AP1S1: variants seen among roughly 807,000 people sequenced by gnomAD.
The protein encoded by AP1S1 is adaptor related protein complex 1 subunit sigma 1.
AP1S1 carries 13 observed loss-of-function variants against 23.9 expected under a neutral mutation model. That is an observed-to-expected ratio of 0.54 (90% CI 0.35 to 0.86). The LOEUF (loss-of-function observed/expected upper bound fraction) is 0.86, where lower values mean the gene tolerates loss of function less well. AP1S1 is among the 40% of genes least tolerant of loss of function. The probability of loss-of-function intolerance (pLI) is 0.01; values close to 1 mark genes in which losing one functional copy is unlikely to be tolerated. For missense variants in AP1S1, 119 were observed against 197.6 expected (o/e 0.60, Z 2.38); for synonymous variants, 84 against 77.7 (o/e 1.08, Z -0.43).
chr7:101,156,460 T>G, intron 1 of AP1S1, 134 bp from the exon 2 acceptor site: 1 of 1,062,146 alleles, frequency 9.4e-7, no homozygotes, highest in Non-Finnish European at 1.3e-6. Flanking sequence ...AAGCTCTGAC[T>G]TCCCCCTGCT....
In AP1S1 at chr7:101,156,188, C is replaced by T. The variant is rs530602425; in HGVS notation, c.4-406C>T. 7.2e-5 allele frequency among the ~76,000 whole-genome samples: 11 copies of T among 152,260 alleles called. No individual in the cohort carries two copies. The South Asian group carries it at 1.7e-3, about 23-fold the overall frequency. ...CGGAGATTGCACTGAACAGTGATTG[C>T]GCCACTGCACTCCAGCCTGGGCGAC... On this transcript the variant is annotated intron_variant, in intron 1 of 4. Coordinates refer to ENST00000337619, the MANE Select transcript of AP1S1 (RefSeq NM_001283.5).
chr7:101,155,844 C>G (rs1368806878), intron 1 of AP1S1, among the ~76,000 whole-genome samples: 1 of 152,154 alleles, frequency 6.6e-6, no homozygotes, highest in African/African-American at 2.4e-5. Flanking sequence ...TCTTTGGCGT[C>G]GGTTACTGTC....
chr7:101,156,812 T>G, intron 2 of AP1S1, 40 bp downstream of exon 2: 1 of 1,462,858 alleles, frequency 6.8e-7, no homozygotes, highest in Non-Finnish European at 9.1e-7. Context: ...TAGATTCAAG[T>G]TGGGCAGTGG....
chr7:101,159,789 G>A (rs1205597966), intron 4 of AP1S1, among the ~76,000 whole-genome samples: 4 of 151,770 alleles, frequency 2.6e-5, no homozygotes, highest in Admixed American at 1.3e-4. Flanking sequence ...TGCCATCACC[G>A]AGCCCTGGTG....
At chr7:101,155,773 G>C (rs1796982765) in intron 1 of AP1S1, among the ~76,000 whole-genome samples, 1 of 152,156 alleles carries the variant, frequency 6.6e-6, no homozygotes, top group Non-Finnish European at 1.5e-5. Flanking sequence ...CTTCTCCAGG[G>C]ACAAAATACC....
chr7:101,157,804 C>T (rs970580684), intron 3 of AP1S1, among the ~76,000 whole-genome samples: 7 of 152,060 alleles, frequency 4.6e-5, no homozygotes, highest in African/African-American at 1.7e-4. Flanking sequence ...ACAGTCTCAC[C>T]CTATCACCTG....
At chr7:101,159,225 A>G (rs1797045265) in intron 4 of AP1S1, 29 bp downstream of exon 4, 2 of 1,593,854 alleles carry the variant, frequency 1.3e-6, no homozygotes, top group Non-Finnish European at 1.7e-6. Context: ...GAGGAGGAGG[A>G]GGAAGCGCAC....
intron 4 of AP1S1, among the ~76,000 whole-genome samples, chr7:101,160,220 C>T (rs955592705): frequency 6.6e-6 from 1 of 151,996 alleles, no homozygotes; most frequent in Non-Finnish European, 1.5e-5. Flanking sequence ...TCCCTTTACC[C>T]CCAGGTGTCA....
At chr7:101,156,093 G>A (rs577564256) in intron 1 of AP1S1, among the ~76,000 whole-genome samples, 3 of 152,092 alleles carry the variant, frequency 2.0e-5, no homozygotes, top group African/African-American at 7.2e-5. Flanking sequence ...TTAGCCGGGC[G>A]TGATGGCACG....
At position 101,156,588 on chromosome 7, in the gene AP1S1, C is replaced by A; in HGVS notation, c.4-6C>A. Reference sequence around the variant, plus strand: ...ACCCTCGGTTCTGCCCTCCCATCCCCCACAGATGCGGTTCATGCTATTATT... The same window carrying A: ...ACCCTCGGTTCTGCCCTCCCATCCCACACAGATGCGGTTCATGCTATTATT... On this transcript the variant is annotated splice_polypyrimidine_tract_variant and splice_region_variant and intron_variant, in intron 1 of 4. Transcript: ENST00000337619. 6.2e-7 allele frequency: 1 copy of A among 1,609,818 alleles called. No homozygotes were observed. Among genetic ancestry groups the A allele is most frequent in the South Asian group, 1.1e-5 (1 of 89,982 alleles).
intron 4 of AP1S1, 48 bp downstream of exon 4, chr7:101,159,244 A>G: frequency 6.4e-7 from 1 of 1,566,914 alleles, no homozygotes; most frequent in Non-Finnish European, 8.6e-7. Flanking sequence ...ACAGTGGCGG[A>G]CAGGGTCCTC....
At chr7:101,160,444 C>A in intron 4 of AP1S1, 75 bp from the exon 5 acceptor site, 2 of 1,544,538 alleles carry the variant, frequency 1.3e-6, no homozygotes, top group Non-Finnish European at 1.8e-6. Flanking sequence ...GACTCTTCCT[C>A]GTGACTGCTG....
At chr7:101,158,921 CA>C (rs1259722166) in intron 3 of AP1S1, 137 bp from the exon 4 acceptor site, 5 of 1,203,894 alleles carry the variant, frequency 4.2e-6, no homozygotes, top group Non-Finnish European at 5.7e-6. Context: ...AATAACGAAA[CA>C]AAAAAACTGA....
intron 3 of AP1S1, among the ~76,000 whole-genome samples, chr7:101,158,642 C>T (rs1449634464): frequency 1.3e-5 from 2 of 152,236 alleles, no homozygotes; most frequent in Non-Finnish European, 2.9e-5. Flanking sequence ...TGGCTCACGC[C>T]TGTGATCCCA....
At chr7:101,157,303 T>G in intron 2 of AP1S1, 74 bp from the exon 3 acceptor site, 4 of 1,260,690 alleles carry the variant, frequency 3.2e-6, no homozygotes, top group Non-Finnish European at 4.5e-6. Flanking sequence ...TCCAGGCTGG[T>G]GAGAGGTTTG....
intron 1 of AP1S1, chr7:101,154,991 T>A (rs1796969801): frequency 3.0e-6 from 3 of 1,006,226 alleles, no homozygotes; most frequent in Non-Finnish European, 2.4e-6. Flanking sequence ...AGCGCCCTAC[T>A]GCGTTCGTGG....
At chr7:101,155,828 G>A (rs968455831) in intron 1 of AP1S1, among the ~76,000 whole-genome samples, 2 of 152,208 alleles carry the variant, frequency 1.3e-5, no homozygotes, top group African/African-American at 2.4e-5. Context: ...GAAGAGAACA[G>A]GCATTTCTTT....
chr7:101,157,876 T>A (rs1797019384), intron 3 of AP1S1, among the ~76,000 whole-genome samples: 1 of 152,152 alleles, frequency 6.6e-6, no homozygotes. Flanking sequence ...AGCCTTAACC[T>A]CTGGGCTCAA....
intron 4 of AP1S1, chr7:101,159,665 A>T (rs571206076): frequency 8.6e-5 from 13 of 152,022 alleles, no homozygotes; most frequent in Non-Finnish European, 1.4e-4. Flanking sequence ...TCTGCGTCTC[A>T]GGAGGAAAAG....
Sources: gnomAD v4.1 joint callset for allele counts (sites outside exome capture counted in the v4.1 genomes callset) on GRCh38, gnomAD v4.1.1 for gene constraint, MANE v1.5 for transcripts, NCBI Gene and HGNC (gene_info 2026-07-23, HGNC 2026-07-21) for gene names.